Variants in PCCA observed in about 807,000 individuals in gnomAD.
The protein encoded by PCCA is propionyl-CoA carboxylase subunit alpha, also known as propionyl-CoA carboxylase alpha chain, mitochondrial.
A neutral mutation model predicts 101.3 loss-of-function variants in PCCA; 74 were observed. The observed-to-expected ratio is 0.73, with a 90% CI of 0.61 to 0.89. The LOEUF is 0.89. PCCA is among the 40% of genes least tolerant of loss of function. The pLI, the probability that PCCA is intolerant of heterozygous loss-of-function variation, is 0.00. For missense variants in PCCA, 891 were observed against 907.0 expected (o/e 0.98, Z 0.23); for synonymous variants, 294 against 313.6 (o/e 0.94, Z 0.66).
At chr13:100,406,715 A>C (rs1365783583) in intron 19 of PCCA, among the ~76,000 whole-genome samples, 1 of 152,172 alleles carries the variant, frequency 6.6e-6, no homozygotes, top group Non-Finnish European at 1.5e-5. Flanking sequence ...TCCCCACCCA[A>C]AAAAAGAGAA....
chr13:100,213,485 T>C (rs1336796519), intron 7 of PCCA, among the ~76,000 whole-genome samples: 1 of 152,246 alleles, frequency 6.6e-6, no homozygotes, highest in African/African-American at 2.4e-5. Flanking sequence ...TGATCAGTGA[T>C]GTTGAGCACC....
At chr13:100,496,049 C>T (rs2085252826) in intron 21 of PCCA, among the ~76,000 whole-genome samples, 1 of 152,150 alleles carries the variant, frequency 6.6e-6, no homozygotes, top group Admixed American at 6.5e-5. Context: ...CAGCAAATTG[C>T]TAACAGTTCT....
At chr13:100,352,037 C>T (rs1394997959) in intron 18 of PCCA, among the ~76,000 whole-genome samples, 1 of 151,592 alleles carries the variant, frequency 6.6e-6, no homozygotes, top group Non-Finnish European at 1.5e-5. Context: ...AAAGAAAAGT[C>T]AAGGGAATTA....
chr13:100,322,307 G>T (rs1156337443), intron 16 of PCCA, among the ~76,000 whole-genome samples: 1 of 152,134 alleles, frequency 6.6e-6, no homozygotes, highest in African/African-American at 2.4e-5. Flanking sequence ...ACCTTCCTTT[G>T]TCTAGGAATT....
Position 100,202,386 on chromosome 13 carries a change from C to T in PCCA, c.469-6946C>T, listed in dbSNP as rs529219768. Reference sequence around the variant, plus strand: ...ATACTTTCTTTCCTTGAATTTCTTACTCAAAAGAGTTTATTATTCCATTTT... The same window carrying T: ...ATACTTTCTTTCCTTGAATTTCTTATTCAAAAGAGTTTATTATTCCATTTT... On this transcript the variant is annotated intron_variant, in intron 6 of 23. Coordinates refer to ENST00000376285, the MANE Select transcript of PCCA (RefSeq NM_000282.4). Among the ~76,000 whole-genome samples the T allele has an allele frequency of 5.3e-5, 8 of 151,938 alleles. No homozygotes were observed. The South Asian group carries it at 1.7e-3, about 32-fold the overall frequency.
chr13:100,224,267 T>C (rs1410630203), intron 7 of PCCA, among the ~76,000 whole-genome samples: 2 of 152,216 alleles, frequency 1.3e-5, no homozygotes, highest in East Asian at 1.9e-4. Flanking sequence ...GGTAACCCAG[T>C]ACACCCTCTG....
At position 100,108,630 on chromosome 13, in the gene PCCA, G is replaced by A. The variant is rs568489599; in HGVS notation, c.184-3211G>A. On this transcript the variant is annotated intron_variant, in intron 2 of 23. Coordinates refer to ENST00000376285, the MANE Select transcript of PCCA (RefSeq NM_000282.4). Reference sequence around the variant, plus strand: ...CTCTGTGTGTAGCATCCTGCACAAAGCCTTATTAGAGCATTTAACACAATT... The same window carrying A: ...CTCTGTGTGTAGCATCCTGCACAAAACCTTATTAGAGCATTTAACACAATT... Among the ~76,000 whole-genome samples, 3 of 152,268 alleles carry A rather than the reference G, an allele frequency of 2.0e-5. No individual in the cohort carries two copies. The East Asian group carries it at 5.8e-4, about 29-fold the overall frequency.
chr13:100,227,951 T>A (rs1010896038), intron 7 of PCCA, among the ~76,000 whole-genome samples: 4 of 152,142 alleles, frequency 2.6e-5, no homozygotes, highest in African/African-American at 4.8e-5. Context: ...AAATGAAAAA[T>A]TTTTAAGGGA....
intron 7 of PCCA, among the ~76,000 whole-genome samples, chr13:100,214,374 T>G (rs972519686): frequency 6.6e-6 from 1 of 151,974 alleles, no homozygotes; most frequent in Non-Finnish European, 1.5e-5. Context: ...ATCTTTTGTG[T>G]CCTTTTCAAT....
intron 18 of PCCA, among the ~76,000 whole-genome samples, chr13:100,362,826 C>T (rs2152803725): frequency 6.6e-6 from 1 of 152,314 alleles, no homozygotes; most frequent in African/African-American, 2.4e-5. Flanking sequence ...GACTCTTCCA[C>T]ACAGTCTCAT....
At chr13:100,230,790 C>T (rs375756204) in intron 7 of PCCA, among the ~76,000 whole-genome samples, 8 of 152,304 alleles carry the variant, frequency 5.3e-5, no homozygotes, top group African/African-American at 1.9e-4. Context: ...CTTGAACCAG[C>T]TGGACAAGGG....
At chr13:100,447,620 C>T (rs937123029) in intron 20 of PCCA, among the ~76,000 whole-genome samples, 1 of 151,588 alleles carries the variant, frequency 6.6e-6, no homozygotes, top group Non-Finnish European at 1.5e-5. Context: ...TGCTGTGAGC[C>T]GAGATGGTGC....
At chr13:100,240,281 C>T (rs1489652904) in intron 8 of PCCA, among the ~76,000 whole-genome samples, 2 of 151,982 alleles carry the variant, frequency 1.3e-5, no homozygotes, top group African/African-American at 4.8e-5. Flanking sequence ...TCTCTCCAGT[C>T]TTATTGTATA....
rs756435125 is a variant in PCCA at position 100,469,411 on chromosome 13, C to A, written c.1899+20106C>A. On this transcript the variant is annotated intron_variant, in intron 21 of 23. Coordinates refer to ENST00000376285, the MANE Select transcript of PCCA (RefSeq NM_000282.4). Reference sequence around the variant, plus strand: ...GAAACATGACAAGGTGGGTCTCAGACGACTAGAAGTGAAACCTCATGCTTT... The same window carrying A: ...GAAACATGACAAGGTGGGTCTCAGAAGACTAGAAGTGAAACCTCATGCTTT... Among the ~76,000 whole-genome samples the A allele has an allele frequency of 2.6e-5, 4 of 152,110 alleles. No homozygotes were observed. The East Asian group carries it at 7.7e-4, about 29-fold the overall frequency.
intron 6 of PCCA, chr13:100,198,178 G>A (rs77376094): frequency 6.6e-6 from 1 of 152,230 alleles, no homozygotes; most frequent in African/African-American, 2.4e-5. Context: ...TCACTGATTT[G>A]GTGGTACCCA....
intron 19 of PCCA, among the ~76,000 whole-genome samples, chr13:100,420,124 T>A (rs2078651598): frequency 6.6e-6 from 1 of 152,256 alleles, no homozygotes; most frequent in African/African-American, 2.4e-5. Context: ...ACTTCACTTT[T>A]GGCTTATTTT....
At chr13:100,219,140 A>G (rs1415159737) in intron 7 of PCCA, among the ~76,000 whole-genome samples, 1 of 152,136 alleles carries the variant, frequency 6.6e-6, no homozygotes, top group Non-Finnish European at 1.5e-5. Context: ...TTTCCTTATG[A>G]GGTCTTGTCC....
chr13:100,421,407 T>G (rs190207267), intron 19 of PCCA, among the ~76,000 whole-genome samples: 1 of 152,314 alleles, frequency 6.6e-6, no homozygotes, highest in African/African-American at 2.4e-5. Context: ...GATAGCACAC[T>G]GTATACACTA....
intron 12 of PCCA, among the ~76,000 whole-genome samples, chr13:100,284,450 A>T (rs1472204792): frequency 6.6e-6 from 1 of 152,234 alleles, no homozygotes; most frequent in Non-Finnish European, 1.5e-5. Context: ...ACTTTTCCTT[A>T]TCAAAGGCAA....
Sources: gnomAD v4.1 joint callset for allele counts (sites outside exome capture counted in the v4.1 genomes callset) on GRCh38, gnomAD v4.1.1 for gene constraint, MANE v1.5 for transcripts, NCBI Gene and HGNC (gene_info 2026-07-23, HGNC 2026-07-21) for gene names.